GLS: variants seen among roughly 807,000 people sequenced by gnomAD.
The protein encoded by GLS is glutaminase, also known as glutaminase kidney isoform, mitochondrial.
GLS carries 36 observed loss-of-function variants against 86.7 expected under a neutral mutation model. The ratio of observed to expected loss-of-function variants is 0.42; its 90% CI spans 0.32 to 0.55. The LOEUF (loss-of-function observed/expected upper bound fraction) is 0.55, where lower values mean the gene tolerates loss of function less well. Ranked by LOEUF, GLS falls within the 20% of genes least tolerant of loss-of-function variation. The pLI, the probability that GLS is intolerant of heterozygous loss-of-function variation, is 0.17. For missense variants in GLS, 528 were observed against 833.4 expected (o/e 0.63, Z 4.51); for synonymous variants, 317 against 305.9 (o/e 1.04, Z -0.38).
At chr2:190,891,308 T>C (rs1397213215) in intron 1 of GLS, among the ~76,000 whole-genome samples, 5 of 152,120 alleles carry the variant, frequency 3.3e-5, no homozygotes, top group African/African-American at 1.2e-4. Flanking sequence ...GCTTGGCATA[T>C]AATAAGTGGT....
intron 7 of GLS, among the ~76,000 whole-genome samples, chr2:190,919,105 C>G (rs979532400): frequency 6.6e-6 from 1 of 152,174 alleles, no homozygotes; most frequent in African/African-American, 2.4e-5. Context: ...GCAGGGTTAT[C>G]ACAAACCTTC....
At chr2:190,931,357 AGT>A (rs1379815850) in intron 13 of GLS, among the ~76,000 whole-genome samples, 186 bp from the exon 14 acceptor site, 1 of 152,144 alleles carries the variant, frequency 6.6e-6, no homozygotes, top group African/African-American at 2.4e-5. Context: ...GTTAGTAAGC[AGT>A]GTTCTTAAAA....
chr2:190,944,744 C>T lies in GLS; in HGVS notation c.1651-8821C>T, dbSNP rs76177515. On this transcript the variant is annotated intron_variant, in intron 14 of 17. Coordinates refer to ENST00000320717, the MANE Select transcript of GLS (RefSeq NM_014905.5). ...GAAGTTATTTATTTGCTGCCAGTAG[C>T]GTAACAGTCATATTTGCTTTTATTC... Among the ~76,000 whole-genome samples, 873 of 152,048 alleles carry T rather than the reference C, an allele frequency of 5.7e-3. 20 individuals are homozygous for T. The highest frequency in any genetic ancestry group is 0.052 in the East Asian group (271 of 5,192).
intron 14 of GLS, among the ~76,000 whole-genome samples, chr2:190,945,646 CAG>C (rs1350294420): frequency 6.8e-6 from 1 of 146,166 alleles, no homozygotes; most frequent in African/African-American, 2.6e-5. Flanking sequence ...GTCTAGGCAA[CAG>C]AGCGAGAGCC....
intron 14 of GLS, among the ~76,000 whole-genome samples, chr2:190,945,196 A>T (rs1690546994): frequency 6.6e-6 from 1 of 152,222 alleles, no homozygotes; most frequent in South Asian, 2.1e-4. Flanking sequence ...AACAGAAATA[A>T]CATTTGGAGC....
intron 14 of GLS, among the ~76,000 whole-genome samples, chr2:190,942,199 C>A (rs1241124831): frequency 6.7e-6 from 1 of 149,872 alleles, no homozygotes; most frequent in Admixed American, 6.7e-5. Context: ...CCTGCCTCAG[C>A]CTCCCGAGTA....
chr2:190,948,539 G>A (rs933728484), intron 14 of GLS, among the ~76,000 whole-genome samples: 2 of 152,170 alleles, frequency 1.3e-5, no homozygotes, highest in African/African-American at 4.8e-5. Flanking sequence ...TTTTAAAGGG[G>A]AATGTGTAGT....
chr2:190,901,336 A>G (rs916736455), intron 4 of GLS, among the ~76,000 whole-genome samples: 1 of 152,024 alleles, frequency 6.6e-6, no homozygotes, highest in Non-Finnish European at 1.5e-5. Flanking sequence ...ATCATAAGGA[A>G]AATATATTTA....
chr2:190,885,664 T>A (rs868301415), intron 1 of GLS, among the ~76,000 whole-genome samples: 1 of 152,172 alleles, frequency 6.6e-6, no homozygotes, highest in Non-Finnish European at 1.5e-5. Context: ...GTTTTTATGA[T>A]CCTTCAGTAT....
chr2:190,924,719 AT>A lies in GLS; in HGVS notation c.1248+127del. The A allele has an allele frequency of 1.6e-6, 1 of 630,398 alleles. No individual in the cohort carries two copies. Among genetic ancestry groups the A allele is most frequent in the Non-Finnish European group, 2.9e-6 (1 of 344,336 alleles). The allele number at this position is 630,398 out of a possible 1,614,324, so 39.1% of individuals were successfully genotyped here. A position where few individuals can be genotyped will look rare whatever the true frequency, so the allele number is the denominator to read the frequency against. On this transcript the variant is annotated intron_variant, in intron 11 of 17. Transcript: ENST00000320717. The surrounding 1 kb of genome is among the most constrained non-coding windows in gnomAD (Gnocchi z 5.2). ...ATCATGAGGTCAAGAGATAGAGGTC[AT>A]CCTGGCCAACATGGTGAAACCCCAT...
intron 14 of GLS, among the ~76,000 whole-genome samples, chr2:190,942,142 T>G (rs981704512): frequency 7.9e-6 from 1 of 126,226 alleles, no homozygotes; most frequent in African/African-American, 2.9e-5. Context: ...TGCAGTGGAG[T>G]GATCTTGGCT....
intron 17 of GLS, among the ~76,000 whole-genome samples, chr2:190,957,323 C>T (rs1690884001): frequency 6.6e-6 from 1 of 152,204 alleles, no homozygotes; most frequent in Non-Finnish European, 1.5e-5. Context: ...AACTCCTGAC[C>T]TCAGGTAATC....
chr2:190,909,321 G>A (rs1444268453), intron 6 of GLS, among the ~76,000 whole-genome samples: 1 of 152,120 alleles, frequency 6.6e-6, no homozygotes, highest in East Asian at 1.9e-4. Context: ...TATTTGTAAT[G>A]AGAAGACAAA....
intron 6 of GLS, among the ~76,000 whole-genome samples, chr2:190,909,474 C>T (rs1192446820): frequency 1.3e-5 from 2 of 152,086 alleles, no homozygotes; most frequent in Non-Finnish European, 2.9e-5. Flanking sequence ...CCCTTCTCCC[C>T]CCTCCCCCAC....
intron 14 of GLS, chr2:190,934,495 G>C (rs1574608681): frequency 1.0e-6 from 1 of 982,316 alleles, no homozygotes; most frequent in East Asian, 1.1e-4. Flanking sequence ...ATCCTAACTG[G>C]ATGCTTCTCA....
rs748591907 is a variant in GLS at position 190,965,538 on chromosome 2, G to C, written c.*2552G>C. The C allele has an allele frequency of 4.0e-5, 6 of 151,660 alleles. No homozygotes were observed. The highest frequency in any genetic ancestry group is 7.3e-5 in the African/African-American group (3 of 40,932). 9.4% of individuals were successfully genotyped at this position (151,660 alleles called of 1,614,324 possible). On this transcript the variant is annotated 3_prime_UTR_variant, in exon 18 of 18. Coordinates refer to ENST00000320717, the MANE Select transcript of GLS (RefSeq NM_014905.5). The surrounding 1 kb of genome is among the most constrained non-coding windows in gnomAD (Gnocchi z 5.0). The stretch of plus-strand genomic sequence containing the variant: ...GCTTTTTACAGCATAATAAATATAT[G>C]TATCAAAAAAAAAACTGTGTGGAAA...
chr2:190,906,931 GT>G (rs1347731167), intron 6 of GLS, among the ~76,000 whole-genome samples: 1,875 of 139,990 alleles, frequency 0.013, 29 homozygotes, highest in African/African-American at 0.039. Flanking sequence ...AATTGTAGTA[GT>G]TTTTTTTTTT....
chr2:190,965,399 G>T lies in GLS; in HGVS notation c.*2413G>T, dbSNP rs1691097914. 1 of 152,604 alleles carries T rather than the reference G, an allele frequency of 6.6e-6. No homozygotes were observed. The highest frequency in any genetic ancestry group is 2.4e-5 in the African/African-American group (1 of 41,430). 9.5% of individuals were successfully genotyped at this position (152,604 alleles called of 1,614,324 possible). A position where few individuals can be genotyped will look rare whatever the true frequency, so the allele number is the denominator to read the frequency against. On this transcript the variant is annotated 3_prime_UTR_variant, in exon 18 of 18. Coordinates refer to ENST00000320717, the MANE Select transcript of GLS (RefSeq NM_014905.5). The surrounding 1 kb of genome is among the most constrained non-coding windows in gnomAD (Gnocchi z 5.0). ...TTAGATTCTTCCTGGGGATTACACA[G>T]CTATGAATGTATTTGCTTCTAAAAC...
intron 7 of GLS, among the ~76,000 whole-genome samples, chr2:190,918,144 T>C (rs1013989462): frequency 2.6e-5 from 4 of 152,204 alleles, no homozygotes; most frequent in African/African-American, 9.6e-5. Flanking sequence ...CAGGTCAGGC[T>C]GTCCTCTGAA....
Sources: gnomAD v4.1 joint callset for allele counts (sites outside exome capture counted in the v4.1 genomes callset) on GRCh38, gnomAD v4.1.1 for gene constraint, Gnocchi (gnomAD v3.1) non-coding constraint, MANE v1.5 for transcripts, NCBI Gene and HGNC (gene_info 2026-07-23, HGNC 2026-07-21) for gene names.